RAB5C: variants seen among roughly 807,000 people sequenced by gnomAD.
RAB5C encodes the protein RAB5C, member RAS oncogene family.
In RAB5C, 4 loss-of-function variants were observed where a neutral mutation model predicts 25.2. The ratio of observed to expected loss-of-function variants is 0.16; its 90% CI spans 0.08 to 0.36. RAB5C has a LOEUF of 0.36. Among genes scored for constraint, RAB5C ranks in the 10% least tolerant of loss-of-function variants. RAB5C has a pLI of 1.00. For synonymous variants in RAB5C, 100 were observed against 106.4 expected, an observed-to-expected ratio of 0.94 and a Z score of 0.37; for missense variants, 199 against 283.8, an observed-to-expected ratio of 0.70 and a Z score of 2.15.
At position 42,126,810 on chromosome 17, in the gene RAB5C, G is replaced by T; in HGVS notation, c.480C>A (p.Phe160Leu). 1 of 1,613,528 alleles carries T rather than the reference G, an allele frequency of 6.2e-7. No homozygotes were observed. Among genetic ancestry groups the T allele is most frequent in the South Asian group, 1.1e-5 (1 of 91,044 alleles). ...TTGCAGTCTTTGCTGATGTCTCCAT[G>T]AACAGCAAACTGTTGTCGTCTGCAT... The part of the protein sequence containing the change: ...QAYADDNSLL[F>L]METSAKTAMN... The change falls in exon 5 of 6, where the codon TTC (phenylalanine) becomes TTA (leucine). Residue 160 changes from phenylalanine to leucine, a missense_variant. Transcript: ENST00000346213.
rs2054429671 is a variant in RAB5C at position 42,126,736 on chromosome 17, GGGA to G, written c.535+16_535+18del. On this transcript the variant is annotated intron_variant, in intron 5 of 5. Transcript: ENST00000346213. ...GCCCTTGCTGTGGTGGAGAGAGGAG[GGGA>G]GGAGAAGCAACTGACCTATTGCCAT... 1.9e-6 allele frequency: 3 copies of G among 1,567,918 alleles called. No homozygotes were observed. The highest frequency in any genetic ancestry group is 2.6e-6 in the Non-Finnish European group (3 of 1,139,006).
At chr17:42,127,941 T>C (rs2054444934) in intron 4 of RAB5C, among the ~76,000 whole-genome samples, 1 of 151,412 alleles carries the variant, frequency 6.6e-6, no homozygotes, top group Non-Finnish European at 1.5e-5. Context: ...TGCCTCAGCC[T>C]CCTGAGCAGC....
chr17:42,128,238 C>T, intron 4 of RAB5C, 23 bp downstream of exon 4: 1 of 1,609,556 alleles, frequency 6.2e-7, no homozygotes, highest in South Asian at 1.1e-5. Flanking sequence ...CCACTCCTTC[C>T]CCCAAGTCTG....
intron 1 of RAB5C, among the ~76,000 whole-genome samples, chr17:42,131,287 T>C (rs1009871149): frequency 1.3e-5 from 2 of 152,092 alleles, no homozygotes; most frequent in Non-Finnish European, 2.9e-5. Context: ...TGATCCTTCT[T>C]CCCTAGTTCT....
At position 42,125,701 on chromosome 17, in the gene RAB5C, C is replaced by T. The variant is rs782429132; in HGVS notation, c.*82G>A. 6.3e-5 allele frequency: 61 copies of T among 975,768 alleles called. No homozygotes were observed. Among genetic ancestry groups the T allele is most frequent in the Non-Finnish European group, 8.4e-5 (54 of 645,918 alleles). 60.4% of individuals were successfully genotyped at this position (975,768 alleles called of 1,614,324 possible). Reference sequence around the variant, plus strand: ...CTGCCCCCCCAGTGGTGGCCCGAGTCGTTAAGTGCGATTGGTTAGAGTGGA... The same window carrying T: ...CTGCCCCCCCAGTGGTGGCCCGAGTTGTTAAGTGCGATTGGTTAGAGTGGA... On this transcript the variant is annotated 3_prime_UTR_variant, in exon 6 of 6. Coordinates refer to ENST00000346213, the MANE Select transcript of RAB5C (RefSeq NM_004583.4).
At chr17:42,131,681 A>G (rs2054487984) in intron 1 of RAB5C, 4 of 1,419,120 alleles carry the variant, frequency 2.8e-6, no homozygotes, top group Non-Finnish European at 3.8e-6. Context: ...GAGGGCAGAG[A>G]CCAAGTCCTG....
intron 1 of RAB5C, among the ~76,000 whole-genome samples, chr17:42,151,232 C>A (rs1298378223): frequency 6.6e-6 from 1 of 152,120 alleles, no homozygotes; most frequent in African/African-American, 2.4e-5. Flanking sequence ...GTCAGGAGAT[C>A]GAGACCATCC....
intron 1 of RAB5C, among the ~76,000 whole-genome samples, chr17:42,140,573 G>A (rs1460350360): frequency 7.2e-6 from 1 of 139,308 alleles, no homozygotes; most frequent in African/African-American, 2.6e-5. Flanking sequence ...GCCCAGGCTG[G>A]AGTGCAGTGG....
At chr17:42,132,037 CCT>C (rs1490128040) in intron 1 of RAB5C, among the ~76,000 whole-genome samples, 1 of 152,152 alleles carries the variant, frequency 6.6e-6, no homozygotes, top group African/African-American at 2.4e-5. Context: ...CCGATCTGCC[CCT>C]GAGCAAGGGA....
chr17:42,130,640 G>C, intron 1 of RAB5C, 50 bp from the exon 2 acceptor site: 2 of 1,465,174 alleles, frequency 1.4e-6, no homozygotes, highest in East Asian at 5.0e-5. Flanking sequence ...GCCGTCACCC[G>C]CTGTGTCCTT....
At chr17:42,130,904 G>T (rs955477760) in intron 1 of RAB5C, among the ~76,000 whole-genome samples, 1 of 152,020 alleles carries the variant, frequency 6.6e-6, no homozygotes, top group African/African-American at 2.4e-5. Flanking sequence ...ACACACAGGC[G>T]ATGAATGAAT....
At position 42,128,894 on chromosome 17, in the gene RAB5C, C is replaced by T. The variant is rs1222449014; in HGVS notation, c.167-94G>A. ...CTTCTAGGCTCTGGCACTCAGAAGC[C>T]CACCACTGAGATGGGCACAGAGAAC... On this transcript the variant is annotated intron_variant, in intron 2 of 5. Transcript: ENST00000346213. 1.3e-5 allele frequency: 15 copies of T among 1,165,022 alleles called. No homozygotes were observed. In the African/African-American group the frequency reaches 2.4e-4, roughly 18 times the overall value. The allele number at this position is 1,165,022 out of a possible 1,614,324, so 72.2% of individuals were successfully genotyped here.
chr17:42,128,947 G>A, intron 2 of RAB5C, 147 bp from the exon 3 acceptor site: 1 of 742,418 alleles, frequency 1.3e-6, no homozygotes, highest in Non-Finnish European at 1.9e-6. Flanking sequence ...AAGCAGGCCT[G>A]AGTGGGGGGT....
At position 42,125,634 on chromosome 17, in the gene RAB5C, A is replaced by C; in HGVS notation, c.*149T>G. The C allele has an allele frequency of 1.7e-6, 1 of 598,014 alleles. No homozygotes were observed. The highest frequency in any genetic ancestry group is 1.9e-5 in the African/African-American group (1 of 54,010). 37.0% of individuals were successfully genotyped at this position (598,014 alleles called of 1,614,324 possible). Reference sequence around the variant, plus strand: ...CAGGTGGAATGACTCACTCCGGCCTATGATCAAAATTATATGGAGAAATCA... The same window carrying C: ...CAGGTGGAATGACTCACTCCGGCCTCTGATCAAAATTATATGGAGAAATCA... On this transcript the variant is annotated 3_prime_UTR_variant, in exon 6 of 6. Coordinates refer to ENST00000346213, the MANE Select transcript of RAB5C (RefSeq NM_004583.4).
At position 42,145,980 on chromosome 17, in the gene RAB5C, TA is replaced by T. The variant is rs537848619; in HGVS notation, c.-89+8912del. Among the ~76,000 whole-genome samples, 245 of 152,224 alleles carry T rather than the reference TA, an allele frequency of 1.6e-3. 1 individual carries two copies. The highest frequency in any genetic ancestry group is 3.4e-3 in the Admixed American group (52 of 15,284). On this transcript the variant is annotated intron_variant, in intron 1 of 5. Coordinates refer to ENST00000346213, the MANE Select transcript of RAB5C (RefSeq NM_004583.4). ...TACCACCATGCCTGGCTAATTTTTG[TA>T]TTTTTAATAGAGATGAGGCTTCACC...
At chr17:42,154,192 T>G (rs1568027721) in intron 1 of RAB5C, among the ~76,000 whole-genome samples, 1 of 152,178 alleles carries the variant, frequency 6.6e-6, no homozygotes, top group Non-Finnish European at 1.5e-5. Flanking sequence ...ATCTGTGATC[T>G]GTAGCTAGGA....
At position 42,131,768 on chromosome 17, in the gene RAB5C, G is replaced by A. The variant is rs574058170; in HGVS notation, c.-88-1178C>T. On this transcript the variant is annotated intron_variant, in intron 1 of 5. Transcript: ENST00000346213. ...GACAGCTTCAGAGGCTCAACTTTTT[G>A]TTTTTGTTAAGTTTTGGAATTGCAG... 414 of 673,368 alleles carry A rather than the reference G, an allele frequency of 6.1e-4. 10 individuals are homozygous for A. In the South Asian group the frequency reaches 7.6e-3, roughly 12 times the overall value. The allele number at this position is 673,368 out of a possible 1,614,324, so 41.7% of individuals were successfully genotyped here.
At chr17:42,154,799 T>C in intron 1 of RAB5C, 94 bp downstream of exon 1, 1 of 152,408 alleles carries the variant, frequency 6.6e-6, no homozygotes. Context: ...GAGGGGTCAG[T>C]ATCCCCCTAA....
At chr17:42,137,342 TGG>T (rs1185357711) in intron 1 of RAB5C, among the ~76,000 whole-genome samples, 1 of 149,612 alleles carries the variant, frequency 6.7e-6, no homozygotes, top group African/African-American at 2.5e-5. Flanking sequence ...CACTGCTGGA[TGG>T]AGGAGTTATA....
Sources: gnomAD v4.1 joint callset for allele counts (sites outside exome capture counted in the v4.1 genomes callset) on GRCh38, gnomAD v4.1.1 for gene constraint, MANE v1.5 for transcripts, NCBI Gene and HGNC (gene_info 2026-07-23, HGNC 2026-07-21) for gene names.